CLCN5: variants seen among roughly 807,000 people sequenced by gnomAD.
The protein encoded by CLCN5 is Cl-/H+ antiporter 5.
CLCN5 carries 17 observed loss-of-function variants against 54.0 expected under a neutral mutation model. The ratio of observed to expected loss-of-function variants is 0.31; its 90% CI spans 0.22 to 0.47. The LOEUF (loss-of-function observed/expected upper bound fraction) is 0.47, where lower values mean the gene tolerates loss of function less well. Ranked by LOEUF, CLCN5 falls within the 20% of genes least tolerant of loss-of-function variation. The pLI is 1.00. For synonymous variants in CLCN5, 222 were observed against 233.0 expected, an observed-to-expected ratio of 0.95 and a Z score of 0.43; for missense variants, 448 against 646.7, an observed-to-expected ratio of 0.69 and a Z score of 3.33.
At chrX:49,968,886 C>G (rs1178582152) in intron 3 of CLCN5, among the ~76,000 whole-genome samples, 1 of 81,371 alleles carries the variant, frequency 1.2e-5, no homozygotes, top group Admixed American at 1.2e-4. Flanking sequence ...AGGCAACCTA[C>G]AACATGGGAG....
intron 3 of CLCN5, among the ~76,000 whole-genome samples, chrX:49,969,633 T>C (rs372091419): frequency 8.9e-6 from 1 of 112,001 alleles, no homozygotes; most frequent in South Asian, 3.7e-4. Flanking sequence ...GAACAGACTA[T>C]GTATAGTTTG....
At chrX:49,989,436 G>A (rs1269733850) in intron 3 of CLCN5, among the ~76,000 whole-genome samples, 1 of 111,950 alleles carries the variant, frequency 8.9e-6, no homozygotes, top group Admixed American at 9.4e-5. Context: ...AGCCTTTTAA[G>A]TCCCTTGATA....
At chrX:49,947,113 C>T (rs903544670) in intron 3 of CLCN5, among the ~76,000 whole-genome samples, 26 of 111,596 alleles carry the variant, frequency 2.3e-4, no homozygotes, top group African/African-American at 5.5e-4. Context: ...TGAGCCACCG[C>T]GCCTGGCCAA....
intron 3 of CLCN5, among the ~76,000 whole-genome samples, chrX:49,935,718 G>A (rs1318612362): frequency 1.8e-5 from 2 of 111,395 alleles, no homozygotes; most frequent in Non-Finnish European, 3.8e-5. Flanking sequence ...GAGGAGACAA[G>A]GTGGAAATCC....
chrX:50,039,160 G>T (rs1335390799), intron 3 of CLCN5, among the ~76,000 whole-genome samples: 1 of 111,319 alleles, frequency 9.0e-6, no homozygotes, highest in Admixed American at 9.5e-5. Flanking sequence ...TGGGCACAGT[G>T]ACGCACGCCT....
intron 3 of CLCN5, among the ~76,000 whole-genome samples, chrX:50,026,795 G>A (rs781940143): frequency 9.0e-6 from 1 of 111,179 alleles, no homozygotes; most frequent in East Asian, 2.8e-4. Context: ...TAGGTAAAAG[G>A]TAAGGTATTT....
intron 4 of CLCN5, among the ~76,000 whole-genome samples, chrX:50,064,902 C>G (rs868953592): frequency 0.014 from 1,493 of 108,820 alleles, 29 homozygotes; most frequent in African/African-American, 0.05. Context: ...CAAAAACAAG[C>G]AATGGGGAAA....
intron 6 of CLCN5, among the ~76,000 whole-genome samples, chrX:50,074,394 TAGA>T (rs1557191832): frequency 9.0e-6 from 1 of 110,589 alleles, no homozygotes; most frequent in African/African-American, 3.3e-5. Flanking sequence ...GGAGGAGAGG[TAGA>T]AGGAGAAGAC....
chrX:50,030,362 G>A (rs2147452205), intron 3 of CLCN5, among the ~76,000 whole-genome samples: 1 of 110,949 alleles, frequency 9.0e-6, no homozygotes, highest in East Asian at 2.8e-4. Flanking sequence ...ATATTTTCTA[G>A]TTCTATGGTT....
chrX:49,972,112 G>GGT (rs61157983), intron 3 of CLCN5, among the ~76,000 whole-genome samples: 7,652 of 86,460 alleles, frequency 0.089, 338 homozygotes, highest in South Asian at 0.11. Flanking sequence ...TGCATTCTCT[G>GGT]GTGTGTGTGT....
chrX:50,089,878 C>A (rs782025196), intron 12 of CLCN5, among the ~76,000 whole-genome samples: 1 of 111,316 alleles, frequency 9.0e-6, no homozygotes, highest in African/African-American at 3.3e-5. Context: ...GAGCACAAAA[C>A]CCGTCTCAAA....
chrX:49,957,146 A>G (rs1347243677), intron 3 of CLCN5, among the ~76,000 whole-genome samples: 1 of 111,012 alleles, frequency 9.0e-6, no homozygotes, highest in Non-Finnish European at 1.9e-5. Flanking sequence ...TAAAAATACA[A>G]AAAATTAGCT....
At chrX:49,981,585 A>G (rs1157320605) in intron 3 of CLCN5, among the ~76,000 whole-genome samples, 3 of 111,293 alleles carry the variant, frequency 2.7e-5, no homozygotes, top group Non-Finnish European at 5.7e-5. Flanking sequence ...TTTTAAGTGA[A>G]GTTTTAAAGT....
At chrX:49,965,083 C>T (rs1927777835) in intron 3 of CLCN5, among the ~76,000 whole-genome samples, 1 of 111,489 alleles carries the variant, frequency 9.0e-6, no homozygotes, top group Non-Finnish European at 1.9e-5. Context: ...TTTTGTATAG[C>T]TCATTCCATT....
chrX:49,930,256 T>G (rs1460924220), intron 3 of CLCN5, among the ~76,000 whole-genome samples: 1 of 112,105 alleles, frequency 8.9e-6, no homozygotes, highest in Non-Finnish European at 1.9e-5. Context: ...GAAGCAGATG[T>G]TCTCATACAC....
intron 4 of CLCN5, among the ~76,000 whole-genome samples, chrX:50,060,109 C>T (rs1205268858): frequency 9.2e-6 from 1 of 108,935 alleles, no homozygotes; most frequent in Non-Finnish European, 1.9e-5. Flanking sequence ...GATAGACATA[C>T]TTTTCTAAAA....
intron 4 of CLCN5, among the ~76,000 whole-genome samples, chrX:50,057,062 A>C (rs918427971): frequency 7.2e-5 from 8 of 110,774 alleles, no homozygotes; most frequent in African/African-American, 9.9e-5. Flanking sequence ...CACTAAATGA[A>C]ATGAGTGCAG....
At position 50,089,348 on chromosome X, in the gene CLCN5, A is replaced by C. The variant is rs1321014321; in HGVS notation, c.1744+464A>C. Among the ~76,000 whole-genome samples, 32 of 112,357 alleles carry C rather than the reference A, an allele frequency of 2.8e-4. 1 individual carries two copies. In the Admixed American group the frequency reaches 3.0e-3, roughly 11 times the overall value. The stretch of plus-strand genomic sequence containing the variant: ...TAATAATATGCAGAATGTTCCCAAC[A>C]TAAAGTAGAGGGGGAAACATGGCAG... On this transcript the variant is annotated intron_variant, in intron 12 of 14. Coordinates refer to ENST00000376091, the MANE Select transcript of CLCN5 (RefSeq NM_001127898.4).
chrX:49,938,016 G>A (rs143170938), intron 3 of CLCN5, among the ~76,000 whole-genome samples: 5 of 111,664 alleles, frequency 4.5e-5, no homozygotes, highest in Non-Finnish European at 9.4e-5. Context: ...AGGGTTGTCT[G>A]TCAGAATGTC....
Sources: gnomAD v4.1 joint callset for allele counts (sites outside exome capture counted in the v4.1 genomes callset) on GRCh38, gnomAD v4.1.1 for gene constraint, MANE v1.5 for transcripts, NCBI Gene and HGNC (gene_info 2026-07-23, HGNC 2026-07-21) for gene names.